The following OPTN variants were observed in gnomAD, a reference collection of about 807,000 sequenced individuals.
The protein encoded by OPTN is optineurin, also known as E3-14.7K-interacting protein.
In OPTN, 54 loss-of-function variants were observed where a neutral mutation model predicts 70.4. That is an observed-to-expected ratio of 0.77 (90% confidence interval 0.62 to 0.96). The LOEUF (loss-of-function observed/expected upper bound fraction) is 0.96. Ranked by LOEUF, OPTN falls within the 40% of genes least tolerant of loss-of-function variation. OPTN has a pLI of 0.00. For missense variants in OPTN, 624 were observed against 673.2 expected, an observed-to-expected ratio of 0.93 and a Z score of 0.81; for synonymous variants, 256 against 248.5, an observed-to-expected ratio of 1.03 and a Z score of -0.28.
At chr10:13,119,973 TTTTC>T (rs1833305892) in intron 7 of OPTN, among the ~76,000 whole-genome samples, 1 of 147,340 alleles carries the variant, frequency 6.8e-6, no homozygotes, top group African/African-American at 2.5e-5. Context: ...TCTGCAACTA[TTTTC>T]TTTCTTTTTT....
At chr10:13,136,683 A>G in intron 14 of OPTN, 62 bp from the exon 15 acceptor site, 2 of 1,605,352 alleles carry the variant, frequency 1.2e-6, no homozygotes, top group Non-Finnish European at 1.7e-6. Flanking sequence ...TCTGTTCTTC[A>G]AGTGAAACAA....
intron 12 of OPTN, 121 bp from the exon 13 acceptor site, chr10:13,131,946 T>A: frequency 1.1e-6 from 1 of 927,904 alleles, no homozygotes; most frequent in Admixed American, 1.9e-5. Context: ...CTAGCAGGAT[T>A]GTGCATCTGT....
Position 13,110,359 on chromosome 10 carries a change from G to T in OPTN, c.252G>T (p.Gln84His). The change falls in exon 4 of 15, where the codon CAG (glutamine) becomes CAT (histidine). Residue 84 changes from glutamine (Q) to histidine (H), a missense_variant. Transcript: ENST00000378747. ...AWTEKQKEERQFFEIQSKEAK... is the reference protein window; with the variant it reads ...AWTEKQKEERHFFEIQSKEAK... ...CAGAGAAACAGAAGGAAGAACGCCA[G>T]TTTTTTGAGATACAGAGCAAAGAAG... 6.2e-7 allele frequency: 1 copy of T among 1,614,150 alleles called. No individual in the cohort carries two copies. The highest frequency in any genetic ancestry group is 8.5e-7 in the Non-Finnish European group (1 of 1,180,026).
intron 1 of OPTN, chr10:13,104,664 C>G (rs1228288331): frequency 1.4e-6 from 1 of 691,138 alleles, no homozygotes; most frequent in Non-Finnish European, 2.7e-6. Context: ...GCCATCTCCA[C>G]ACATTCATCT....
intron 3 of OPTN, 156 bp downstream of exon 3, chr10:13,109,444 T>C (rs1159096855): frequency 1.7e-5 from 12 of 691,308 alleles, no homozygotes; most frequent in Admixed American, 2.8e-5. Context: ...CAAGGCTAAA[T>C]CTGTTCTGAT....
At chr10:13,131,850 T>A (rs1403066513) in intron 12 of OPTN, among the ~76,000 whole-genome samples, 1 of 152,216 alleles carries the variant, frequency 6.6e-6, no homozygotes, top group Non-Finnish European at 1.5e-5. Flanking sequence ...AGTTGCAGGA[T>A]TTGTGTTGTT....
At chr10:13,109,671 TAAA>T (rs34623086) in intron 3 of OPTN, 16 of 130,820 alleles carry the variant, frequency 1.2e-4, no homozygotes, top group East Asian at 2.3e-4. Context: ...ACAAAAAAAT[TAAA>T]AAAAAAAAAA....
At chr10:13,112,338 G>A in intron 4 of OPTN, 115 bp from the exon 5 acceptor site, 1 of 969,970 alleles carries the variant, frequency 1.0e-6, no homozygotes, top group South Asian at 1.4e-5. Flanking sequence ...CAAAATCCTG[G>A]CCTCAAGGGA....
intron 14 of OPTN, among the ~76,000 whole-genome samples, chr10:13,135,803 T>C (rs1833686383): frequency 6.6e-6 from 1 of 152,210 alleles, no homozygotes; most frequent in South Asian, 2.1e-4. Context: ...ATCCCTTTTC[T>C]TCTCGCAGAT....
At chr10:13,113,748 G>C (rs1833061687) in intron 5 of OPTN, among the ~76,000 whole-genome samples, 1 of 152,152 alleles carries the variant, frequency 6.6e-6, no homozygotes, top group East Asian at 1.9e-4. Context: ...ATGAGTCAGA[G>C]TACATATCTG....
At chr10:13,107,305 G>A (rs1832885915) in intron 1 of OPTN, among the ~76,000 whole-genome samples, 1 of 151,556 alleles carries the variant, frequency 6.6e-6, no homozygotes, top group South Asian at 2.1e-4. Context: ...AACCCAGGAG[G>A]TGGAGGTTGC....
intron 9 of OPTN, among the ~76,000 whole-genome samples, chr10:13,125,029 T>C (rs568695387): frequency 6.6e-6 from 1 of 152,336 alleles, no homozygotes; most frequent in East Asian, 1.9e-4. Flanking sequence ...TGTCAGAAAC[T>C]AAAGTCTTTG....
intron 12 of OPTN, 22 bp from the exon 13 acceptor site, chr10:13,132,045 G>GT: frequency 1.2e-6 from 2 of 1,609,082 alleles, no homozygotes; most frequent in Non-Finnish European, 1.7e-6. Flanking sequence ...ACTAACTTCT[G>GT]TATCTTTTTT....
At chr10:13,104,519 A>G (rs1263776468) in intron 1 of OPTN, 1 of 422,624 alleles carries the variant, frequency 2.4e-6, no homozygotes, top group African/African-American at 2.1e-5. Context: ...TCATAGTAAA[A>G]CAGGCCCTAT....
chr10:13,121,500 TAAAAAAAAAAAAA>T (rs200687404), intron 7 of OPTN, among the ~76,000 whole-genome samples: 127 of 90,866 alleles, frequency 1.4e-3, no homozygotes, highest in Middle Eastern at 5.4e-3. Context: ...GATTATCCTG[TAAAAAAAAAAAAA>T]AAAAAAAAAA....
At chr10:13,120,191 T>C (rs987836519) in intron 7 of OPTN, among the ~76,000 whole-genome samples, 20 of 151,734 alleles carry the variant, frequency 1.3e-4, no homozygotes, top group Admixed American at 1.2e-3. Flanking sequence ...GGTTTCACCA[T>C]GTTAGCCAGG....
intron 7 of OPTN, among the ~76,000 whole-genome samples, chr10:13,121,058 T>C (rs1443680034): frequency 6.6e-6 from 1 of 152,178 alleles, no homozygotes; most frequent in African/African-American, 2.4e-5. Flanking sequence ...GCCCCCGTGA[T>C]TCAATTACCT....
At chr10:13,128,515 T>G (rs928358943) in intron 12 of OPTN, among the ~76,000 whole-genome samples, 1 of 112,110 alleles carries the variant, frequency 8.9e-6, no homozygotes. Flanking sequence ...TTTTTTTTTT[T>G]TTTTTTTTTT....
chr10:13,137,029 C>G lies in OPTN; in HGVS notation c.*163C>G. The stretch of plus-strand genomic sequence containing the variant: ...GCACAGTGGCTCATGCCTGTAATCC[C>G]AGCACTTTGGGAGGTCGAGGTGGGT... On this transcript the variant is annotated 3_prime_UTR_variant, in exon 15 of 15. Coordinates refer to ENST00000378747, the MANE Select transcript of OPTN (RefSeq NM_001008212.2). The G allele has an allele frequency of 1.1e-6, 1 of 895,472 alleles. No homozygotes were observed. The highest frequency in any genetic ancestry group is 1.4e-5 in the South Asian group (1 of 70,822). 55.5% of individuals were successfully genotyped at this position (895,472 alleles called of 1,614,324 possible).
Sources: allele counts gnomAD v4.1 joint callset (sites outside exome capture counted in the v4.1 genomes callset), GRCh38; gene constraint gnomAD v4.1.1; transcripts MANE v1.5; gene names NCBI Gene and HGNC (gene_info 2026-07-23, HGNC 2026-07-21).